Variants in KLHL26 observed in about 807,000 individuals in gnomAD.
KLHL26 encodes kelch like family member 26.
KLHL26 carries 4 observed loss-of-function variants against 7.1 expected under a neutral mutation model. That is an observed-to-expected ratio of 0.56 (90% CI 0.28 to 1.28). The LOEUF is 1.28. KLHL26 is among the 50% of genes most tolerant of loss of function. The pLI, the probability that KLHL26 is intolerant of heterozygous loss-of-function variation, is 0.11. For missense variants in KLHL26, 896 were observed against 924.6 expected (o/e 0.97, Z 0.40); for synonymous variants, 465 against 414.1 (o/e 1.12, Z -1.49).
chr19:18,653,110 G>A (rs1437659215), intron 1 of KLHL26, among the ~76,000 whole-genome samples: 1 of 152,068 alleles, frequency 6.6e-6, no homozygotes, highest in South Asian at 2.1e-4. Flanking sequence ...GGCTCAGAGG[G>A]CTGAGACTGC....
At position 18,668,083 on chromosome 19, in the gene KLHL26, C is replaced by T. The variant is rs777114202; in HGVS notation, c.686C>T (p.Ala229Val). 25 of 1,604,980 alleles carry T rather than the reference C, an allele frequency of 1.6e-5. No homozygotes were observed. Among genetic ancestry groups the T allele is most frequent in the South Asian group, 1.3e-4 (12 of 91,064 alleles). The change falls in exon 3 of 3, where the codon GCG (alanine) becomes GTG (valine). Residue 229 changes from alanine to valine, a missense_variant. Physicochemically the swap from Ala to Val is moderately conservative, Grantham distance 64 (BLOSUM62 0). Transcript: ENST00000300976. ...QSCAEIDLFR[A>V]AVRWLQHDPA... is the part of the protein sequence containing the mutation. ...TGTGCCGAGATCGACCTGTTCCGCG[C>T]GGCCGTCCGCTGGCTGCAGCATGAC...
At chr19:18,651,992 ATGGGGACCCAGC>A (rs1230192172) in intron 1 of KLHL26, among the ~76,000 whole-genome samples, 1 of 152,162 alleles carries the variant, frequency 6.6e-6, no homozygotes, top group Admixed American at 6.5e-5. Flanking sequence ...TCAGCCCTGG[ATGGGGACCCAGC>A]TGGGCCATGA....
rs939570228 is a variant in KLHL26, at chr19:18,637,049, G to A, written c.-6G>A. 2.2e-6 allele frequency: 3 copies of A among 1,352,212 alleles called. No homozygotes were observed. The highest frequency in any genetic ancestry group is 1.5e-5 in the African/African-American group (1 of 65,356). 83.8% of individuals were successfully genotyped at this position (1,352,212 alleles called of 1,614,324 possible). ...CGTCACTCGAACGCGCGACGGCGGG[G>A]GGAAGATGGCGGAGTCCGGCGGTAG... is the stretch of plus-strand genomic sequence containing the variant. On this transcript the variant is annotated 5_prime_UTR_variant, in exon 1 of 3. Coordinates refer to ENST00000300976, the MANE Select transcript of KLHL26 (RefSeq NM_018316.3).
intron 2 of KLHL26, among the ~76,000 whole-genome samples, chr19:18,667,209 G>A (rs2052456960): frequency 6.6e-6 from 1 of 151,660 alleles, no homozygotes; most frequent in Non-Finnish European, 1.5e-5. Context: ...TGTCCAGGCT[G>A]CAGTGCAGCA....
chr19:18,668,209 T>C lies in KLHL26; in HGVS notation c.812T>C (p.Met271Thr). The change falls in exon 3 of 3, where the codon ATG (methionine) becomes ACG (threonine). Residue 271 changes from methionine to threonine, a missense_variant. Coordinates refer to ENST00000300976, the MANE Select transcript of KLHL26 (RefSeq NM_018316.3). ...GACAGCGTGCAGACGCTGGACATCA[T>C]GGTGGAGGACGTGCTGTGCCGCCAG... The part of the protein sequence containing the change: ...LVDSVQTLDI[M>T]VEDVLCRQYL... 3 of 1,611,756 alleles carry C rather than the reference T, an allele frequency of 1.9e-6. No homozygotes were observed. Among genetic ancestry groups the C allele is most frequent in the Non-Finnish European group, 8.5e-7 (1 of 1,179,864 alleles).
rs1317405898 is a variant in KLHL26, at chr19:18,650,824, GC to G, written c.84-13436del. 6.6e-6 allele frequency among the ~76,000 whole-genome samples: 1 copy of G among 152,190 alleles called. No individual in the cohort carries two copies. Among genetic ancestry groups the G allele is most frequent in the Non-Finnish European group, 1.5e-5 (1 of 68,010 alleles). ...GAGCCGTCTGTCTCGTCACAGACAG[GC>G]GGGGCTGCGGCTGGGGATGGCCGCC... is the stretch of plus-strand genomic sequence containing the variant. On this transcript the variant is annotated intron_variant, in intron 1 of 2. Transcript: ENST00000300976. This position sits in a 1 kb window ranked among gnomAD's most constrained non-coding sequence, Gnocchi z 4.2.
At chr19:18,662,050 G>T (rs1049643903) in intron 1 of KLHL26, among the ~76,000 whole-genome samples, 2 of 152,122 alleles carry the variant, frequency 1.3e-5, no homozygotes, top group African/African-American at 4.8e-5. Flanking sequence ...TGGCTAATTT[G>T]TATTGATTTC....
chr19:18,667,499 C>T (rs919121803), intron 2 of KLHL26, 165 bp from the exon 3 acceptor site: 65 of 1,258,992 alleles, frequency 5.2e-5, no homozygotes, highest in Non-Finnish European at 6.1e-5. Context: ...CCACCGCGCC[C>T]GGCCCCTTTG....
At chr19:18,667,575 A>C in intron 2 of KLHL26, 89 bp from the exon 3 acceptor site, 1 of 1,525,792 alleles carries the variant, frequency 6.6e-7, no homozygotes, top group Non-Finnish European at 8.8e-7. Context: ...CTGTGTCCCC[A>C]GGCTACTGTT....
At chr19:18,647,203 G>A (rs1361314478) in intron 1 of KLHL26, among the ~76,000 whole-genome samples, 1 of 152,206 alleles carries the variant, frequency 6.6e-6, no homozygotes, top group Non-Finnish European at 1.5e-5. Flanking sequence ...CGTGCAGTGC[G>A]ATCGTCACAG....
chr19:18,666,010 A>C (rs1367217178), intron 2 of KLHL26, among the ~76,000 whole-genome samples: 2 of 152,238 alleles, frequency 1.3e-5, no homozygotes, highest in Admixed American at 6.5e-5. Context: ...CAGCCCAGCC[A>C]GCAATGCCCT....
At chr19:18,657,838 C>T (rs2052349754) in intron 1 of KLHL26, among the ~76,000 whole-genome samples, 1 of 152,178 alleles carries the variant, frequency 6.6e-6, no homozygotes, top group Non-Finnish European at 1.5e-5. Flanking sequence ...GCGGCCGGGC[C>T]TCAGGGGCCT....
chr19:18,638,422 G>A (rs1976656290), intron 1 of KLHL26, among the ~76,000 whole-genome samples: 1 of 152,250 alleles, frequency 6.6e-6, no homozygotes, highest in Non-Finnish European at 1.5e-5. Context: ...ACTTAGGTCT[G>A]TGGGCATTGA....
At position 18,668,827 on chromosome 19, in the gene KLHL26, C is replaced by T; in HGVS notation, c.1430C>T (p.Ala477Val). The T allele has an allele frequency of 1.3e-6, 2 of 1,594,890 alleles. No homozygotes were observed. Among genetic ancestry groups the T allele is most frequent in the Non-Finnish European group, 1.7e-6 (2 of 1,177,290 alleles). ...GYGISVEDKK[A>V]LHCYDPVADQ... The stretch of plus-strand genomic sequence containing the variant: ...GGGATCTCAGTGGAGGACAAGAAGG[C>T]CCTGCACTGCTACGACCCCGTGGCC... The change falls in exon 3 of 3, where the codon GCC becomes GTC. Residue 477 changes from alanine (A) to valine (V), a missense_variant. Transcript: ENST00000300976.
At chr19:18,641,939 G>T (rs1976720127) in intron 1 of KLHL26, among the ~76,000 whole-genome samples, 2 of 152,054 alleles carry the variant, frequency 1.3e-5, no homozygotes, top group African/African-American at 2.4e-5. Context: ...TTTCTTAAAA[G>T]ACATCTTTGT....
In KLHL26 at chr19:18,650,314, C is replaced by A. The variant is rs531981443; in HGVS notation, c.83+13177C>A. On this transcript the variant is annotated intron_variant, in intron 1 of 2. Coordinates refer to ENST00000300976, the MANE Select transcript of KLHL26 (RefSeq NM_018316.3). This position sits in a 1 kb window ranked among gnomAD's most constrained non-coding sequence, Gnocchi z 4.2. ...TCACCCAGATCGTCTGAGAGCGGGA[C>A]ATTTTCCCGGAGCGGGGTGGAAGGA... Among the ~76,000 whole-genome samples, 1 of 152,270 alleles carries A rather than the reference C, an allele frequency of 6.6e-6. No individual in the cohort carries two copies. The highest frequency in any genetic ancestry group is 1.9e-4 in the East Asian group (1 of 5,170).
intron 2 of KLHL26, 120 bp from the exon 3 acceptor site, chr19:18,667,544 T>C: frequency 1.4e-6 from 2 of 1,468,600 alleles, no homozygotes; most frequent in African/African-American, 1.4e-5. Flanking sequence ...TACTTTCCTC[T>C]TGCTGGCTGT....
At chr19:18,645,900 C>T (rs978157028) in intron 1 of KLHL26, among the ~76,000 whole-genome samples, 2 of 151,906 alleles carry the variant, frequency 1.3e-5, no homozygotes, top group Admixed American at 1.3e-4. Flanking sequence ...AAGTTGTGGC[C>T]GAGACGCTGC....
Position 18,649,681 on chromosome 19 carries a change from T to A in KLHL26, c.83+12544T>A, listed in dbSNP as rs1976867918. Among the ~76,000 whole-genome samples, 1 of 152,144 alleles carries A rather than the reference T, an allele frequency of 6.6e-6. No individual in the cohort carries two copies. The highest frequency in any genetic ancestry group is 1.5e-5 in the Non-Finnish European group (1 of 68,014). On this transcript the variant is annotated intron_variant, in intron 1 of 2. Coordinates refer to ENST00000300976, the MANE Select transcript of KLHL26 (RefSeq NM_018316.3). This position sits in a 1 kb window ranked among gnomAD's most constrained non-coding sequence, Gnocchi z 4.0. Reference sequence around the variant, plus strand: ...CCCGCTGCCGGCAGCCCCGCCCTCCTCCTCTGGTAGCCGCTCTGCAGCTGT... The same window carrying A: ...CCCGCTGCCGGCAGCCCCGCCCTCCACCTCTGGTAGCCGCTCTGCAGCTGT...
Sources: gnomAD v4.1 joint callset for allele counts (sites outside exome capture counted in the v4.1 genomes callset) on GRCh38, gnomAD v4.1.1 for gene constraint, Gnocchi (gnomAD v3.1) non-coding constraint, MANE v1.5 for transcripts, NCBI Gene and HGNC (gene_info 2026-07-23, HGNC 2026-07-21) for gene names.